Variants in CASP8 observed in about 807,000 individuals in gnomAD.
The protein encoded by CASP8 is caspase 8.
In CASP8, 24 loss-of-function variants were observed where a neutral mutation model predicts 46.3. The ratio of observed to expected loss-of-function variants is 0.52; its 90% CI spans 0.38 to 0.73. The LOEUF is 0.73. Among genes scored for constraint, CASP8 ranks in the 30% least tolerant of loss-of-function variants. The probability of loss-of-function intolerance (pLI) is 0.00; values close to 1 mark genes in which losing one functional copy is unlikely to be tolerated. For synonymous variants in CASP8, 188 were observed against 200.4 expected (o/e 0.94, Z 0.52); for missense variants, 460 against 559.0 (o/e 0.82, Z 1.79).
intron 7 of CASP8, among the ~76,000 whole-genome samples, chr2:201,278,765 C>T (rs1336209216): frequency 1.3e-5 from 2 of 152,148 alleles, no homozygotes; most frequent in Non-Finnish European, 2.9e-5. Context: ...CTCCTGACCT[C>T]AGGTGATCCA....
Position 201,287,372 on chromosome 2 carries a change from T to C in CASP8, c.*778T>C, listed in dbSNP as rs1464498879. On this transcript the variant is annotated 3_prime_UTR_variant, in exon 9 of 9. Coordinates refer to ENST00000673742, the MANE Select transcript of CASP8 (RefSeq NM_001372051.1). The stretch of plus-strand genomic sequence containing the variant: ...ATGTTCACACCGCTGCACTCAAGCT[T>C]GGGTGACAGAACAAGACCCCGTCTC... The C allele has an allele frequency of 6.6e-6, 1 of 152,558 alleles. No individual in the cohort carries two copies. Among genetic ancestry groups the C allele is most frequent in the African/African-American group, 2.4e-5 (1 of 41,450 alleles). 9.5% of individuals were successfully genotyped at this position (152,558 alleles called of 1,614,324 possible). A position where few individuals can be genotyped will look rare whatever the true frequency, so the allele number is the denominator to read the frequency against.
intron 5 of CASP8, among the ~76,000 whole-genome samples, chr2:201,274,012 T>G (rs1438159945): frequency 6.6e-6 from 1 of 152,226 alleles, no homozygotes; most frequent in East Asian, 1.9e-4. Context: ...GAAGATTATT[T>G]TAAATTCAGA....
chr2:201,243,024 G>A (rs1946367193), intron 2 of CASP8: 1 of 152,298 alleles, frequency 6.6e-6, no homozygotes, highest in Admixed American at 6.5e-5. Context: ...GGTATCTAAA[G>A]TAGTCAAATT....
chr2:201,276,353 C>G (rs1469038731), intron 6 of CASP8, among the ~76,000 whole-genome samples: 1 of 152,188 alleles, frequency 6.6e-6, no homozygotes, highest in Non-Finnish European at 1.5e-5. Flanking sequence ...GAATGGGAGA[C>G]CCTCAGCTGT....
intron 2 of CASP8, among the ~76,000 whole-genome samples, chr2:201,247,548 G>A (rs949798277): frequency 1.6e-4 from 24 of 149,884 alleles, no homozygotes; most frequent in Admixed American, 1.5e-3. Flanking sequence ...GTGTGATCTC[G>A]GCTCACTGCA....
intron 1 of CASP8, among the ~76,000 whole-genome samples, chr2:201,264,898 T>C (rs1290134598): frequency 6.6e-6 from 1 of 151,726 alleles, no homozygotes; most frequent in Non-Finnish European, 1.5e-5. Flanking sequence ...TCCATTCTAG[T>C]GAGAGGGTAG....
intron 7 of CASP8, among the ~76,000 whole-genome samples, chr2:201,282,714 C>A (rs1318401340): frequency 5.8e-4 from 50 of 86,356 alleles, no homozygotes; most frequent in African/African-American, 1.9e-3. Context: ...ACCTCCCTCC[C>A]GGATGGGGCG....
chr2:201,249,228 A>G (rs1225653093), intron 2 of CASP8, among the ~76,000 whole-genome samples: 2 of 152,208 alleles, frequency 1.3e-5, no homozygotes, highest in Non-Finnish European at 2.9e-5. Flanking sequence ...TTGACTATCC[A>G]TCTGGATTTG....
At chr2:201,254,701 G>A (rs1372180731) in intron 2 of CASP8, among the ~76,000 whole-genome samples, 1 of 152,152 alleles carries the variant, frequency 6.6e-6, no homozygotes, top group Admixed American at 6.5e-5. Context: ...GCTTTTTTAG[G>A]GACACTTACA....
chr2:201,240,917 C>T (rs555712728), intron 2 of CASP8: 2 of 152,076 alleles, frequency 1.3e-5, no homozygotes, highest in Non-Finnish European at 2.9e-5. Flanking sequence ...AAACAACACA[C>T]TCTTGAACAA....
rs377738539 is a variant in CASP8, at chr2:201,278,894, G to A, written c.802+1926G>A. Among the ~76,000 whole-genome samples the A allele has an allele frequency of 6.4e-4, 98 of 152,190 alleles. 1 individual carries two copies. In the East Asian group the frequency reaches 8.3e-3, roughly 13 times the overall value. Reference sequence around the variant, plus strand: ...GATGTGCTGACAGGGACAAAATGCTGGAGAAGGAATAAAAAAGGAATAATC... The same window carrying A: ...GATGTGCTGACAGGGACAAAATGCTAGAGAAGGAATAAAAAAGGAATAATC... On this transcript the variant is annotated intron_variant, in intron 7 of 8. Coordinates refer to ENST00000673742, the MANE Select transcript of CASP8 (RefSeq NM_001372051.1).
chr2:201,275,043 A>T, intron 6 of CASP8, 90 bp downstream of exon 6: 2 of 939,034 alleles, frequency 2.1e-6, no homozygotes, highest in Admixed American at 2.2e-5. Flanking sequence ...TGCCAGATAA[A>T]CTGACAAGGG....
chr2:201,268,909 T>TTGTGTGTGTGTG (rs58087434), intron 2 of CASP8, among the ~76,000 whole-genome samples: 43 of 131,638 alleles, frequency 3.3e-4, no homozygotes, highest in Admixed American at 1.7e-3. Context: ...GGCCTCATCT[T>TTGTGTGTGTGTG]TGTGTGTGTG....
rs751083151 is a variant in CASP8, at chr2:201,284,964, T to C, written c.951T>C (p.His317=). Residue 317 remains histidine (H), a synonymous_variant, in exon 8 of 9, where the codon CAT becomes CAC. Transcript: ENST00000673742. ...GCTTCATCTGCTGTATCCTCTCCCA[T>C]GGAGACAAGGGCATCATCTATGGCA... The part of the protein sequence containing the change: ...MDCFICCILS[H]GDKGIIYGTD... 6.2e-7 allele frequency: 1 copy of C among 1,614,144 alleles called. No homozygotes were observed.
At chr2:201,281,845 T>G (rs1490772432) in intron 7 of CASP8, 2 of 1,466,088 alleles carry the variant, frequency 1.4e-6, no homozygotes, top group African/African-American at 2.9e-5. Flanking sequence ...TTTGAGAATG[T>G]TTTTAGCTGG....
intron 2 of CASP8, among the ~76,000 whole-genome samples, chr2:201,255,532 T>C (rs1212209610): frequency 6.6e-6 from 1 of 152,164 alleles, no homozygotes; most frequent in Non-Finnish European, 1.5e-5. Flanking sequence ...CAGCAGATCA[T>C]CCATTTCTGC....
At chr2:201,275,578 T>C (rs1948582474) in intron 6 of CASP8, among the ~76,000 whole-genome samples, 4 of 152,360 alleles carry the variant, frequency 2.6e-5, no homozygotes, top group Middle Eastern at 3.4e-3. Context: ...TATTCACTAG[T>C]GTGGGCTCCT....
At chr2:201,259,595 TG>T (rs1341648982), upstream of CASP8, among the ~76,000 whole-genome samples, 3 of 152,176 alleles carry the variant, frequency 2.0e-5, no homozygotes, top group African/African-American at 7.2e-5. Context: ...ATATTCTATT[TG>T]GGGAAAGACA....
At position 201,285,114 on chromosome 2, in the gene CASP8, AG is replaced by A; in HGVS notation, c.1103del (p.Gly368ValfsTer14). 6.2e-7 allele frequency: 1 copy of A among 1,614,196 alleles called. No homozygotes were observed. Among genetic ancestry groups the A allele is most frequent in the Non-Finnish European group, 8.5e-7 (1 of 1,180,026 alleles). On this transcript the variant is annotated frameshift_variant, in exon 8 of 9. Coordinates refer to ENST00000673742, the MANE Select transcript of CASP8 (RefSeq NM_001372051.1). LOFTEE classifies it high-confidence loss of function. ...CTTGTCAGGGGGATAACTACCAGAA[AG>A]GTATACCTGTTGAGACTGATTCAGA... ...QACQGDNYQK[G>X]IPVETDSEEQ...
Sources: gnomAD v4.1 joint callset for allele counts (sites outside exome capture counted in the v4.1 genomes callset) on GRCh38, gnomAD v4.1.1 for gene constraint, MANE v1.5 for transcripts, NCBI Gene and HGNC (gene_info 2026-07-23, HGNC 2026-07-21) for gene names.